ERAP1: variants seen among roughly 807,000 people sequenced by gnomAD.
The protein encoded by ERAP1 is endoplasmic reticulum aminopeptidase 1.
ERAP1 carries 86 observed loss-of-function variants against 103.7 expected under a neutral mutation model. The observed-to-expected ratio is 0.83, with a 90% confidence interval of 0.70 to 0.99. The LOEUF (loss-of-function observed/expected upper bound fraction) is 0.99. Ranked by LOEUF, ERAP1 falls within the 50% of genes least tolerant of loss-of-function variation. The probability of loss-of-function intolerance (pLI) is 0.00; values close to 1 mark genes in which losing one functional copy is unlikely to be tolerated. For missense variants in ERAP1, 1,009 were observed against 1,128.4 expected, an observed-to-expected ratio of 0.89 and a Z score of 1.52; for synonymous variants, 398 against 402.4, an observed-to-expected ratio of 0.99 and a Z score of 0.13.
the ERAP1 span, among the ~76,000 whole-genome samples, chr5:96,878,024 G>C: frequency 7.2e-4 from 110 of 152,324 alleles, no homozygotes; most frequent in African/African-American, 2.5e-3. Flanking sequence ...AGTTGGAGCA[G>C]TAAGGAAGTA....
the ERAP1 span, among the ~76,000 whole-genome samples, chr5:96,848,511 T>A: frequency 6.6e-6 from 1 of 152,194 alleles, no homozygotes; most frequent in South Asian, 2.1e-4. Context: ...TGAACAATTG[T>A]ACACCAACAA....
At chr5:96,915,095 C>T in the ERAP1 span, among the ~76,000 whole-genome samples, 1 of 152,038 alleles carries the variant, frequency 6.6e-6, no homozygotes, top group Non-Finnish European at 1.5e-5. Context: ...GCAACCTCCA[C>T]CTCCCGGGTT....
Position 96,762,190 on chromosome 5 carries a change from C to T in ERAP1, c.*1010G>A, listed in dbSNP as rs966836669. The T allele has an allele frequency of 1.6e-5, 12 of 733,916 alleles. No individual in the cohort carries two copies. In the African/African-American group the frequency reaches 1.8e-4, roughly 11 times the overall value. The allele number at this position is 733,916 out of a possible 1,614,324, so 45.5% of individuals were successfully genotyped here. On this transcript the variant is annotated 3_prime_UTR_variant, in exon 20 of 20. Transcript: ENST00000296754. ...AGAGAATAAACAGTCATTAAGCTAT[C>T]TTTAAGAGTTATAGTTAAGTGATGG...
chr5:96,765,226 T>A (rs772254237), intron 19 of ERAP1: 27 of 1,589,708 alleles, frequency 1.7e-5, no homozygotes, highest in Non-Finnish European at 2.3e-5. Flanking sequence ...TTCAGCAGAG[T>A]GACAAAGACC....
chr5:96,856,731 T>C, the ERAP1 span, among the ~76,000 whole-genome samples: 7,417 of 152,310 alleles, frequency 0.049, 220 homozygotes, highest in South Asian at 0.11. Flanking sequence ...TCCTTCTCCC[T>C]ACTTACGGCA....
the ERAP1 span, chr5:96,873,279 T>C: frequency 2.2e-6 from 1 of 453,932 alleles, no homozygotes; most frequent in South Asian, 1.6e-5. Context: ...AACTCATTCA[T>C]TCTCACCTGT....
the ERAP1 span, among the ~76,000 whole-genome samples, chr5:96,850,996 G>A: frequency 2.0e-5 from 3 of 152,068 alleles, no homozygotes; most frequent in African/African-American, 7.2e-5. Context: ...AGAGGTTGGG[G>A]GAGTTAGAAA....
the ERAP1 span, among the ~76,000 whole-genome samples, chr5:96,893,836 C>T: frequency 6.6e-6 from 1 of 152,162 alleles, no homozygotes; most frequent in Non-Finnish European, 1.5e-5. Flanking sequence ...TTTACCTCTC[C>T]ATCCTCATCT....
chr5:96,869,672 G>A, the ERAP1 span, among the ~76,000 whole-genome samples: 3 of 152,190 alleles, frequency 2.0e-5, no homozygotes, highest in East Asian at 5.8e-4. Flanking sequence ...GAAGAGTGTT[G>A]AATTAGGGAA....
upstream of ERAP1, among the ~76,000 whole-genome samples, chr5:96,808,856 G>T (rs1200855733): frequency 1.3e-5 from 2 of 152,194 alleles, no homozygotes. Flanking sequence ...CAGACCCCAA[G>T]AGAGGGTTCT....
At chr5:96,913,013 G>A in the ERAP1 span, among the ~76,000 whole-genome samples, 1 of 152,164 alleles carries the variant, frequency 6.6e-6, no homozygotes, top group Non-Finnish European at 1.5e-5. Flanking sequence ...GACTAGACAA[G>A]CGGTTATGTT....
the ERAP1 span, among the ~76,000 whole-genome samples, chr5:96,933,108 T>C: frequency 2.0e-5 from 3 of 152,070 alleles, no homozygotes; most frequent in African/African-American, 7.2e-5. Context: ...TAAAACAGTA[T>C]CCGTTGAAAC....
At chr5:96,910,263 T>G in the ERAP1 span, 1 of 71,228 alleles carries the variant, frequency 1.4e-5, no homozygotes, top group African/African-American at 5.8e-5. Flanking sequence ...AGGCCCTGTC[T>G]CAAAAAAAAA....
At chr5:96,877,731 A>ATT in the ERAP1 span, among the ~76,000 whole-genome samples, 2 of 151,740 alleles carry the variant, frequency 1.3e-5, no homozygotes, top group Non-Finnish European at 2.9e-5. Context: ...AAGCCACTCC[A>ATT]TTTTTTTTAA....
chr5:96,784,573 G>A (rs1775732650), intron 13 of ERAP1, among the ~76,000 whole-genome samples: 1 of 149,002 alleles, frequency 6.7e-6, no homozygotes, highest in African/African-American at 2.5e-5. Context: ...TTACACTAGG[G>A]AGGAAGTTTC....
chr5:96,779,239 A>C (rs936200406), intron 18 of ERAP1: 1 of 152,200 alleles, frequency 6.6e-6, no homozygotes, highest in African/African-American at 2.4e-5. Context: ...ACAGCCCCAT[A>C]ACCTAAAACC....
the ERAP1 span, among the ~76,000 whole-genome samples, chr5:96,856,839 G>A: frequency 3.3e-5 from 5 of 152,152 alleles, no homozygotes; most frequent in Non-Finnish European, 5.9e-5. Flanking sequence ...AATATTTTAC[G>A]CATTTCACTT....
chr5:96,929,525 C>T, the ERAP1 span, among the ~76,000 whole-genome samples: 1 of 151,524 alleles, frequency 6.6e-6, no homozygotes, highest in Admixed American at 6.6e-5. Flanking sequence ...CACTCTGTCA[C>T]CCAGGCTGGA....
chr5:96,908,722 C>T, the ERAP1 span, among the ~76,000 whole-genome samples: 1 of 152,100 alleles, frequency 6.6e-6, no homozygotes, highest in African/African-American at 2.4e-5. Flanking sequence ...CACAACAAGC[C>T]TATGAGGAAG....
Sources: allele counts gnomAD v4.1 joint callset (sites outside exome capture counted in the v4.1 genomes callset), GRCh38; gene constraint gnomAD v4.1.1; transcripts MANE v1.5; gene names NCBI Gene and HGNC (gene_info 2026-07-23, HGNC 2026-07-21).